DHDDS: variants seen among roughly 807,000 people sequenced by gnomAD.
DHDDS encodes the protein dehydrodolichyl diphosphate synthase subunit.
In DHDDS, 16 loss-of-function variants were observed where a neutral mutation model predicts 46.2. The ratio of observed to expected loss-of-function variants is 0.35; its 90% CI spans 0.23 to 0.53. DHDDS has a LOEUF of 0.53. Among genes scored for constraint, DHDDS ranks in the 20% least tolerant of loss-of-function variants. The probability of loss-of-function intolerance (pLI) is 0.94; values close to 1 mark genes in which losing one functional copy is unlikely to be tolerated. For synonymous variants in DHDDS, 151 were observed against 163.1 expected, an observed-to-expected ratio of 0.93 and a Z score of 0.56; for missense variants, 340 against 423.7, an observed-to-expected ratio of 0.80 and a Z score of 1.73.
intron 4 of DHDDS, among the ~76,000 whole-genome samples, chr1:26,445,994 G>C (rs2075264279): frequency 6.6e-6 from 1 of 152,202 alleles, no homozygotes; most frequent in Non-Finnish European, 1.5e-5. Context: ...CTGCACTCCA[G>C]CCTGGGTGAC....
At chr1:26,436,926 T>C (rs1000605923) in intron 2 of DHDDS, among the ~76,000 whole-genome samples, 6 of 151,822 alleles carry the variant, frequency 4.0e-5, no homozygotes, top group African/African-American at 1.5e-4. Flanking sequence ...ATCCCAGCAC[T>C]CTGGGAGGCT....
At chr1:26,453,480 G>C (rs536785728) in intron 6 of DHDDS, among the ~76,000 whole-genome samples, 1 of 152,302 alleles carries the variant, frequency 6.6e-6, no homozygotes, top group South Asian at 2.1e-4. Context: ...GTTCTGACCA[G>C]GTGCAGTGGC....
chr1:26,452,642 G>A (rs1174894682), intron 6 of DHDDS, among the ~76,000 whole-genome samples: 1 of 152,108 alleles, frequency 6.6e-6, no homozygotes, highest in Non-Finnish European at 1.5e-5. Flanking sequence ...TTTTAAAGAT[G>A]AGAATACTGA....
At chr1:26,467,308 C>G (rs1474788444) in intron 8 of DHDDS, 1 of 471,294 alleles carries the variant, frequency 2.1e-6, no homozygotes, top group Admixed American at 2.3e-5. Context: ...AGGGAGCCTC[C>G]TGACCAAGGC....
chr1:26,434,557 G>C (rs1242650298), intron 2 of DHDDS, among the ~76,000 whole-genome samples: 1 of 152,110 alleles, frequency 6.6e-6, no homozygotes, highest in Non-Finnish European at 1.5e-5. Flanking sequence ...AGCAGTCAGG[G>C]AAGAGCCCTC....
At position 26,457,565 on chromosome 1, in the gene DHDDS, TAA is replaced by T. The variant is rs11351917; in HGVS notation, c.543-209_543-208del. Among the ~76,000 whole-genome samples, 45,854 of 136,592 alleles carry T rather than the reference TAA, an allele frequency of 0.34. 8,383 individuals are homozygous for T. Among genetic ancestry groups the T allele is most frequent in the East Asian group, 0.71 (3,410 of 4,802 alleles). The allele number at this position is 136,592 out of a possible 152,430, so 89.6% of individuals were successfully genotyped here. On this transcript the variant is annotated intron_variant, in intron 6 of 8. Coordinates refer to ENST00000236342, the MANE Select transcript of DHDDS (RefSeq NM_205861.3). ...GAAAAGAATTTTACATTGTATTCTC[TAA>T]AAAAAAAAAAAAAAAAGAAATACCT...
intron 6 of DHDDS, chr1:26,447,955 T>C: frequency 1.7e-6 from 1 of 585,564 alleles, no homozygotes; most frequent in South Asian, 2.2e-5. Flanking sequence ...ATTTAGAGAT[T>C]AGGATTGGCT....
chr1:26,471,076 CAG>C lies in DHDDS; in HGVS notation c.*1950_*1951del, dbSNP rs1397407962. On this transcript the variant is annotated 3_prime_UTR_variant, in exon 9 of 9. Transcript: ENST00000236342. ...GCGATGTAGTGGTGGAAAGAAGAGG[CAG>C]AGAGGTCGTCGTCGTCGCCCAGCAG... 1 of 152,300 alleles carries C rather than the reference CAG, an allele frequency of 6.6e-6. No individual in the cohort carries two copies. The highest frequency in any genetic ancestry group is 1.9e-4 in the East Asian group (1 of 5,202). 9.4% of individuals were successfully genotyped at this position (152,300 alleles called of 1,614,324 possible).
In DHDDS at chr1:26,469,440, C is replaced by T. The variant is rs1296829641; in HGVS notation, c.*309C>T. On this transcript the variant is annotated 3_prime_UTR_variant, in exon 9 of 9. Transcript: ENST00000236342. ...TGTCTCTTAGATGCACTTTCTTTTTCCACCAGCACATCCTTCAACACACAG... is the reference window on the plus strand; with the variant it reads ...TGTCTCTTAGATGCACTTTCTTTTTTCACCAGCACATCCTTCAACACACAG... 1 of 481,736 alleles carries T rather than the reference C, an allele frequency of 2.1e-6. No homozygotes were observed. Among genetic ancestry groups the T allele is most frequent in the Non-Finnish European group, 3.8e-6 (1 of 261,126 alleles). 29.8% of individuals were successfully genotyped at this position (481,736 alleles called of 1,614,324 possible).
rs1424822520 is a variant in DHDDS at position 26,432,321 on chromosome 1, A to C, written c.-111A>C. 6.5e-6 allele frequency: 1 copy of C among 153,236 alleles called. No individual in the cohort carries two copies. Among genetic ancestry groups the C allele is most frequent in the Non-Finnish European group, 1.5e-5 (1 of 68,682 alleles). The allele number at this position is 153,236 out of a possible 1,614,324, so 9.5% of individuals were successfully genotyped here. Reference sequence around the variant, plus strand: ...TGACGTGTTCTGCCAGCGCCACGTCATGAGGAAGTGCCGGCCCACTGAAGC... The same window carrying C: ...TGACGTGTTCTGCCAGCGCCACGTCCTGAGGAAGTGCCGGCCCACTGAAGC... On this transcript the variant is annotated 5_prime_UTR_variant, in exon 1 of 9. The change abolishes an upstream ATG in the 5' untranslated region. Coordinates refer to ENST00000236342, the MANE Select transcript of DHDDS (RefSeq NM_205861.3).
chr1:26,453,238 A>G (rs1486315059), intron 6 of DHDDS, among the ~76,000 whole-genome samples: 1 of 152,188 alleles, frequency 6.6e-6, no homozygotes, highest in Admixed American at 6.5e-5. Context: ...CGTGTTTTTA[A>G]TAATTCTTCA....
chr1:26,435,624 CT>C (rs1411459282), intron 2 of DHDDS, among the ~76,000 whole-genome samples: 1 of 147,256 alleles, frequency 6.8e-6, no homozygotes. Flanking sequence ...TTGTTTTTTT[CT>C]TTTTTCCGAG....
intron 1 of DHDDS, 69 bp from the exon 2 acceptor site, chr1:26,432,822 T>TC: frequency 1.1e-6 from 1 of 920,724 alleles, no homozygotes; most frequent in Non-Finnish European, 1.8e-6. Flanking sequence ...TCCATCTGAT[T>TC]CCCCAGAAGT....
At chr1:26,445,178 T>G (rs1419372800) in intron 4 of DHDDS, among the ~76,000 whole-genome samples, 1 of 152,156 alleles carries the variant, frequency 6.6e-6, no homozygotes, top group Non-Finnish European at 1.5e-5. Flanking sequence ...CAGAGGTTGG[T>G]GTAAGGATGG....
chr1:26,457,653 C>A (rs2075383497), intron 6 of DHDDS, 138 bp from the exon 7 acceptor site: 2 of 646,912 alleles, frequency 3.1e-6, no homozygotes, highest in Non-Finnish European at 5.6e-6. Flanking sequence ...TGAGGGCCTT[C>A]TGTGTAGTAT....
In DHDDS at chr1:26,457,668, T is replaced by C. The variant is rs1570356843; in HGVS notation, c.543-123T>C. 3 of 755,348 alleles carry C rather than the reference T, an allele frequency of 4.0e-6. No individual in the cohort carries two copies. The East Asian group carries it at 7.6e-5, about 19-fold the overall frequency. The allele number at this position is 755,348 out of a possible 1,614,324, so 46.8% of individuals were successfully genotyped here. ...TGAGGGCCTTCTGTGTAGTATTGGC[T>C]AGTGTATTTGATGGTATTGTATAAA... On this transcript the variant is annotated intron_variant, in intron 6 of 8. Coordinates refer to ENST00000236342, the MANE Select transcript of DHDDS (RefSeq NM_205861.3).
intron 6 of DHDDS, among the ~76,000 whole-genome samples, chr1:26,456,366 T>C (rs1278764080): frequency 6.6e-6 from 1 of 151,850 alleles, no homozygotes; most frequent in Admixed American, 6.6e-5. Context: ...AGGGAGACCC[T>C]GTCTGGAAAA....
intron 8 of DHDDS, 81 bp downstream of exon 8, chr1:26,460,225 A>T: frequency 9.3e-7 from 1 of 1,073,756 alleles, no homozygotes; most frequent in Non-Finnish European, 1.4e-6. Context: ...CTTACTATAT[A>T]CCAGGCACTT....
intron 8 of DHDDS, chr1:26,467,085 T>C (rs1038555039): frequency 3.9e-6 from 1 of 255,604 alleles, no homozygotes; most frequent in Non-Finnish European, 8.8e-6. Context: ...AAGGGCCAGC[T>C]CAAATTCTGT....
Sources: gnomAD v4.1 joint callset for allele counts (sites outside exome capture counted in the v4.1 genomes callset) on GRCh38, gnomAD v4.1.1 for gene constraint, MANE v1.5 for transcripts, NCBI Gene and HGNC (gene_info 2026-07-23, HGNC 2026-07-21) for gene names.